Variants in MGAT4C observed in about 807,000 individuals in gnomAD.
MGAT4C encodes MGAT4 family member C.
A neutral mutation model predicts 40.1 loss-of-function variants in MGAT4C; 19 were observed. The observed-to-expected ratio is 0.47, with a 90% confidence interval of 0.33 to 0.70. The LOEUF (loss-of-function observed/expected upper bound fraction) is 0.70, where lower values mean the gene tolerates loss of function less well. MGAT4C is among the 30% of genes least tolerant of loss of function. The probability of loss-of-function intolerance (pLI) is 0.02; values close to 1 mark genes in which losing one functional copy is unlikely to be tolerated. For missense variants in MGAT4C, 491 were observed against 563.2 expected (o/e 0.87, Z 1.30); for synonymous variants, 181 against 187.1 (o/e 0.97, Z 0.27).
chr12:86,494,739 T>C (rs1422815441), intron 2 of MGAT4C, among the ~76,000 whole-genome samples: 1 of 151,874 alleles, frequency 6.6e-6, no homozygotes, highest in Non-Finnish European at 1.5e-5. Flanking sequence ...CATTCTGACA[T>C]TTGACTTACA....
At chr12:86,744,447 G>T (rs1951120459) in intron 1 of MGAT4C, among the ~76,000 whole-genome samples, 1 of 151,498 alleles carries the variant, frequency 6.6e-6, no homozygotes, top group Non-Finnish European at 1.5e-5. Context: ...AGAAACAGAA[G>T]AATCTTTCAA....
intron 2 of MGAT4C, among the ~76,000 whole-genome samples, chr12:86,558,151 A>G (rs1959698777): frequency 6.6e-6 from 1 of 152,096 alleles, no homozygotes. Context: ...GTTTTTTAAT[A>G]ACACCATCAG....
At position 86,213,474 on chromosome 12, in the gene MGAT4C, A is replaced by C. The variant is rs1593252448; in HGVS notation, c.-57+42765T>G. Among the ~76,000 whole-genome samples, 5 of 152,192 alleles carry C rather than the reference A, an allele frequency of 3.3e-5. No homozygotes were observed. The South Asian group carries it at 1.0e-3, about 31-fold the overall frequency. Reference sequence around the variant, plus strand: ...TTTAGGCATTGAATAAAATAGTTTTAAACCTCATGGTGAATAAAAATAATG... The same window carrying C: ...TTTAGGCATTGAATAAAATAGTTTTCAACCTCATGGTGAATAAAAATAATG... On this transcript the variant is annotated intron_variant, in intron 1 of 4. Transcript: ENST00000611864.
chr12:86,688,967 C>G (rs536418043), intron 2 of MGAT4C, among the ~76,000 whole-genome samples: 128 of 152,300 alleles, frequency 8.4e-4, no homozygotes, highest in African/African-American at 2.9e-3. Context: ...TTCTCCTTGT[C>G]ACTTTCAGGT....
intron 2 of MGAT4C, among the ~76,000 whole-genome samples, chr12:86,665,522 G>A (rs1964082848): frequency 6.6e-6 from 1 of 151,862 alleles, no homozygotes; most frequent in African/African-American, 2.4e-5. Flanking sequence ...GACTACAGGT[G>A]CCCGCCACCA....
intron 2 of MGAT4C, among the ~76,000 whole-genome samples, chr12:86,702,738 G>A (rs746011969): frequency 6.6e-6 from 1 of 152,118 alleles, no homozygotes; most frequent in Non-Finnish European, 1.5e-5. Flanking sequence ...CAAGAGCTCT[G>A]ATGGTGATGT....
At chr12:86,695,505 T>C (rs1950239962) in intron 2 of MGAT4C, among the ~76,000 whole-genome samples, 1 of 152,110 alleles carries the variant, frequency 6.6e-6, no homozygotes, top group African/African-American at 2.4e-5. Flanking sequence ...TAGCAAAAAT[T>C]TCAAAGTAAC....
At chr12:86,551,777 G>A (rs1409851740) in intron 2 of MGAT4C, among the ~76,000 whole-genome samples, 1 of 152,108 alleles carries the variant, frequency 6.6e-6, no homozygotes, top group African/African-American at 2.4e-5. Flanking sequence ...CACCACCACT[G>A]CCATAAATTC....
chr12:86,143,654 G>T (rs1173754622), intron 1 of MGAT4C, among the ~76,000 whole-genome samples: 1 of 152,138 alleles, frequency 6.6e-6, no homozygotes, highest in Non-Finnish European at 1.5e-5. Flanking sequence ...TACTTAATCA[G>T]CCTTAGTATG....
intron 1 of MGAT4C, among the ~76,000 whole-genome samples, chr12:86,796,007 A>T (rs1952109603): frequency 6.6e-6 from 1 of 152,006 alleles, no homozygotes; most frequent in South Asian, 2.1e-4. Flanking sequence ...TTTCACATGA[A>T]CTTCAAAAAA....
At chr12:86,169,441 C>G (rs1016709945) in intron 1 of MGAT4C, among the ~76,000 whole-genome samples, 2 of 152,178 alleles carry the variant, frequency 1.3e-5, no homozygotes, top group Admixed American at 1.3e-4. Context: ...TTATACTCTT[C>G]AAATCTATTT....
At chr12:86,444,480 C>G (rs1957297674) in intron 2 of MGAT4C, among the ~76,000 whole-genome samples, 1 of 152,138 alleles carries the variant, frequency 6.6e-6, no homozygotes. Context: ...CCTTTTTCCA[C>G]TGTGCTTTAA....
intron 2 of MGAT4C, among the ~76,000 whole-genome samples, chr12:86,536,119 T>C (rs1330394370): frequency 1.3e-5 from 2 of 152,130 alleles, no homozygotes; most frequent in East Asian, 3.8e-4. Flanking sequence ...ATACACAGTC[T>C]TGTGGATATG....
chr12:86,765,036 GAGA>G (rs1951479428), intron 1 of MGAT4C, among the ~76,000 whole-genome samples: 1 of 152,204 alleles, frequency 6.6e-6, no homozygotes, highest in Non-Finnish European at 1.5e-5. Flanking sequence ...GACAAGTTGA[GAGA>G]AGAAGGCTTC....
intron 2 of MGAT4C, among the ~76,000 whole-genome samples, chr12:86,038,141 G>T (rs1480766743): frequency 1.3e-5 from 2 of 149,878 alleles, no homozygotes; most frequent in East Asian, 1.9e-4. Flanking sequence ...GAAAGGGCAA[G>T]TGCATGATCT....
At position 86,810,428 on chromosome 12, in the gene MGAT4C, C is replaced by A. The variant is rs145874474; in HGVS notation, c.-262+28238G>T. Among the ~76,000 whole-genome samples, 766 of 151,852 alleles carry A rather than the reference C, an allele frequency of 5.0e-3. 5 individuals are homozygous for A. The highest frequency in any genetic ancestry group is 0.025 in the Admixed American group (374 of 15,222). On this transcript the variant is annotated intron_variant, in intron 1 of 7. Coordinates refer to the MGAT4C transcript ENST00000548651. ...TTATTTCCAATCTCATATAGGAGAG[C>A]ATTCAGTCTTTCACCATAAAGAATT...
At chr12:86,081,441 T>C (rs1006369739) in intron 1 of MGAT4C, among the ~76,000 whole-genome samples, 2 of 152,182 alleles carry the variant, frequency 1.3e-5, no homozygotes, top group African/African-American at 4.8e-5. Flanking sequence ...TTTATTATAA[T>C]ATTACATTTG....
chr12:86,398,498 T>C (rs768076131), intron 3 of MGAT4C, among the ~76,000 whole-genome samples: 12 of 152,096 alleles, frequency 7.9e-5, no homozygotes, highest in Middle Eastern at 3.2e-3. Flanking sequence ...TTAACATACA[T>C]GTATACATAT....
At chr12:86,101,734 G>A (rs1437724847) in intron 1 of MGAT4C, among the ~76,000 whole-genome samples, 1 of 151,796 alleles carries the variant, frequency 6.6e-6, no homozygotes, top group African/African-American at 2.4e-5. Flanking sequence ...GTGTAGCAGA[G>A]ATATGATTTA....
Sources: allele counts gnomAD v4.1 joint callset (sites outside exome capture counted in the v4.1 genomes callset), GRCh38; gene constraint gnomAD v4.1.1; transcripts MANE v1.5; gene names NCBI Gene and HGNC (gene_info 2026-07-23, HGNC 2026-07-21).